TENM4: variants seen among roughly 807,000 people sequenced by gnomAD.
TENM4 encodes the protein teneurin transmembrane protein 4.
TENM4 carries 82 observed loss-of-function variants against 243.3 expected under a neutral mutation model. That is an observed-to-expected ratio of 0.34 (90% CI 0.28 to 0.40). TENM4 has a LOEUF of 0.40. Among genes scored for constraint, TENM4 ranks in the 10% least tolerant of loss-of-function variants. The pLI is 1.00. For synonymous variants in TENM4, 1,412 were observed against 1,456.3 expected, an observed-to-expected ratio of 0.97 and a Z score of 0.69; for missense variants, 3,138 against 3,673.3, an observed-to-expected ratio of 0.85 and a Z score of 3.77.
At chr11:79,000,803 G>A (rs1858302712) in intron 6 of TENM4, among the ~76,000 whole-genome samples, 1 of 152,242 alleles carries the variant, frequency 6.6e-6, no homozygotes, top group African/African-American at 2.4e-5. Flanking sequence ...GGCTGAGGCA[G>A]GTGGATCACC....
At chr11:79,302,658 T>TGACC (rs1343856056) in intron 1 of TENM4, among the ~76,000 whole-genome samples, 1 of 152,210 alleles carries the variant, frequency 6.6e-6, no homozygotes, top group African/African-American at 2.4e-5. Context: ...AGAGGCTCAG[T>TGACC]ACTTCTCTAG....
intron 4 of TENM4, chr11:79,096,922 G>GCACA (rs1565202251): frequency 1.7e-5 from 2 of 120,064 alleles, no homozygotes; most frequent in South Asian, 5.5e-4. Flanking sequence ...ACATGCGCGC[G>GCACA]CGCGCGCACA....
intron 2 of TENM4, among the ~76,000 whole-genome samples, chr11:79,246,418 C>G (rs1277523268): frequency 6.6e-6 from 1 of 152,170 alleles, no homozygotes; most frequent in Non-Finnish European, 1.5e-5. Flanking sequence ...CTATGAACCT[C>G]TAATTCCTTT....
chr11:78,674,822 T>C (rs563972745), intron 30 of TENM4, among the ~76,000 whole-genome samples: 20 of 152,134 alleles, frequency 1.3e-4, no homozygotes, highest in South Asian at 8.3e-4. Flanking sequence ...TTGTGTGATA[T>C]TGGATAAGTC....
chr11:79,040,232 G>A lies in TENM4; in HGVS notation c.493+24506C>T, dbSNP rs186513371. The stretch of plus-strand genomic sequence containing the variant: ...CAGTTTCTTTTTTTGTAACATGGGA[G>A]TCATAACATTGACCTAAAAGAGTTG... On this transcript the variant is annotated intron_variant, in intron 6 of 33. Coordinates refer to ENST00000278550, the MANE Select transcript of TENM4 (RefSeq NM_001098816.3). Among the ~76,000 whole-genome samples, 243 of 152,264 alleles carry A rather than the reference G, an allele frequency of 1.6e-3. 5 individuals carry two copies. The South Asian group carries it at 0.045, about 28-fold the overall frequency.
chr11:78,833,412 GCTTA>G (rs765190636), intron 12 of TENM4, among the ~76,000 whole-genome samples: 196 of 152,186 alleles, frequency 1.3e-3, no homozygotes, highest in Non-Finnish European at 2.3e-3. Context: ...GTCATTTTTT[GCTTA>G]CTTAATTTCC....
At chr11:78,974,637 G>C (rs895658703) in intron 6 of TENM4, among the ~76,000 whole-genome samples, 4 of 152,128 alleles carry the variant, frequency 2.6e-5, no homozygotes, top group Admixed American at 1.3e-4. Flanking sequence ...GCCTGACATA[G>C]AGCAGGTACT....
intron 24 of TENM4, among the ~76,000 whole-genome samples, chr11:78,720,780 C>A (rs969900233): frequency 6.6e-6 from 1 of 152,158 alleles, no homozygotes; most frequent in Non-Finnish European, 1.5e-5. Flanking sequence ...GCACACTTCC[C>A]TACAAAGAGT....
intron 1 of TENM4, among the ~76,000 whole-genome samples, chr11:79,392,053 C>T (rs1858245617): frequency 6.6e-6 from 1 of 152,182 alleles, no homozygotes; most frequent in Non-Finnish European, 1.5e-5. Context: ...TTACTTATAA[C>T]CAACACAGAC....
At chr11:79,105,369 A>G (rs575322646) in intron 4 of TENM4, among the ~76,000 whole-genome samples, 1 of 152,338 alleles carries the variant, frequency 6.6e-6, no homozygotes, top group South Asian at 2.1e-4. Context: ...ACAGGAACAA[A>G]GGATGTGTGG....
intron 6 of TENM4, among the ~76,000 whole-genome samples, chr11:78,910,168 C>T (rs1209973908): frequency 6.6e-6 from 1 of 152,182 alleles, no homozygotes; most frequent in East Asian, 1.9e-4. Context: ...AGAAAGGGTG[C>T]CAGGCTGAGT....
chr11:79,033,231 A>G (rs2136865492), intron 6 of TENM4, among the ~76,000 whole-genome samples: 1 of 152,280 alleles, frequency 6.6e-6, no homozygotes, highest in South Asian at 2.1e-4. Context: ...TGCTTGGCAC[A>G]GGGACAGCCA....
chr11:79,166,706 G>A (rs895351251), intron 3 of TENM4, among the ~76,000 whole-genome samples: 3 of 152,218 alleles, frequency 2.0e-5, no homozygotes, highest in Non-Finnish European at 4.4e-5. Context: ...GCTCAATTTT[G>A]TAGTCATGCG....
Position 79,440,894 on chromosome 11 carries a change from C to A in TENM4, c.-706G>T. 1 of 152,330 alleles carries A rather than the reference C, an allele frequency of 6.6e-6. No individual in the cohort carries two copies. Among genetic ancestry groups the A allele is most frequent in the Non-Finnish European group, 1.5e-5 (1 of 68,504 alleles). 9.4% of individuals were successfully genotyped at this position (152,330 alleles called of 1,614,324 possible). A position where few individuals can be genotyped will look rare whatever the true frequency, so the allele number is the denominator to read the frequency against. ...GTGTGTGTGTGTGTTTAATAGCTTC[C>A]CTTCTCTTCTTCCCCTCCCTGCCTG... is the stretch of plus-strand genomic sequence containing the variant. On this transcript the variant is annotated 5_prime_UTR_variant, in exon 1 of 34. Coordinates refer to ENST00000278550, the MANE Select transcript of TENM4 (RefSeq NM_001098816.3). The surrounding 1 kb of genome is among the most constrained non-coding windows in gnomAD (Gnocchi z 4.7).
chr11:79,002,215 C>A (rs1858347442), intron 6 of TENM4, among the ~76,000 whole-genome samples: 1 of 152,378 alleles, frequency 6.6e-6, no homozygotes, highest in South Asian at 2.1e-4. Flanking sequence ...AAGCCAGCAG[C>A]TTTGTGCCTG....
intron 1 of TENM4, among the ~76,000 whole-genome samples, chr11:79,304,992 T>A (rs987513568): frequency 2.0e-5 from 3 of 152,254 alleles, no homozygotes; most frequent in African/African-American, 4.8e-5. Flanking sequence ...AAAGCCTTTT[T>A]AATAGAAAAA....
chr11:78,780,691 G>T (rs1366092323), intron 16 of TENM4, among the ~76,000 whole-genome samples: 2 of 152,190 alleles, frequency 1.3e-5, no homozygotes, highest in Non-Finnish European at 2.9e-5. Context: ...GCCAGGGGCT[G>T]ACTTAAGAGA....
intron 6 of TENM4, among the ~76,000 whole-genome samples, chr11:79,053,924 A>G (rs754687474): frequency 3.3e-5 from 5 of 152,152 alleles, no homozygotes; most frequent in African/African-American, 7.2e-5. Context: ...GTGAAATTAA[A>G]TTTGTGGTAA....
At chr11:79,092,766 T>A (rs1373179181) in intron 4 of TENM4, 1 of 152,230 alleles carries the variant, frequency 6.6e-6, no homozygotes, top group Non-Finnish European at 1.5e-5. Context: ...ATGTTTAGAA[T>A]ACAAAGATAA....
Sources: gnomAD v4.1 joint callset for allele counts (sites outside exome capture counted in the v4.1 genomes callset) on GRCh38, gnomAD v4.1.1 for gene constraint, Gnocchi (gnomAD v3.1) non-coding constraint, MANE v1.5 for transcripts, NCBI Gene and HGNC (gene_info 2026-07-23, HGNC 2026-07-21) for gene names.